The following TBC1D9B variants were observed in gnomAD, a reference collection of about 807,000 sequenced individuals.
TBC1D9B encodes TBC1 domain family member 9B.
Under a neutral mutation model 121.1 loss-of-function variants are expected in TBC1D9B, and 87 were observed. The ratio of observed to expected loss-of-function variants is 0.72; its 90% CI spans 0.60 to 0.86. The LOEUF (loss-of-function observed/expected upper bound fraction) is 0.86. TBC1D9B is among the 40% of genes least tolerant of loss of function. The pLI is 0.00. For synonymous variants in TBC1D9B, 668 were observed against 670.1 expected, an observed-to-expected ratio of 1.00 and a Z score of 0.05; for missense variants, 1,540 against 1,628.6, an observed-to-expected ratio of 0.95 and a Z score of 0.94.
At chr5:179,895,624 G>A (rs912024367) in intron 3 of TBC1D9B, among the ~76,000 whole-genome samples, 3 of 152,210 alleles carry the variant, frequency 2.0e-5, no homozygotes, top group Non-Finnish European at 4.4e-5. Flanking sequence ...GCCTCCTGGG[G>A]TAAAACAGGT....
intron 3 of TBC1D9B, among the ~76,000 whole-genome samples, chr5:179,894,846 T>C (rs1760977651): frequency 2.0e-5 from 3 of 152,186 alleles, no homozygotes; most frequent in Non-Finnish European, 4.4e-5. Context: ...ACTACTGTCA[T>C]CACCAGTTGT....
chr5:179,906,535 A>G (rs1305903763), intron 1 of TBC1D9B, among the ~76,000 whole-genome samples: 2 of 152,160 alleles, frequency 1.3e-5, no homozygotes, highest in African/African-American at 4.8e-5. Flanking sequence ...GGCGGAAGAA[A>G]AGGTGCCGGT....
Position 179,875,920 on chromosome 5 carries a change from C to A in TBC1D9B, c.1900G>T (p.Gly634Ter). 1 of 1,602,842 alleles carries A rather than the reference C, an allele frequency of 6.2e-7. No individual in the cohort carries two copies. Among genetic ancestry groups the A allele is most frequent in the Non-Finnish European group, 8.5e-7 (1 of 1,175,616 alleles). The change falls in exon 11 of 21, where the codon GGA becomes TGA. Residue 634 changes from glycine to a stop codon, truncating the protein, a stop_gained and splice_region_variant. Transcript: ENST00000355235. LOFTEE classifies it high-confidence loss of function. This position sits in a 1 kb window ranked among gnomAD's most constrained non-coding sequence, Gnocchi z 4.5. ...CGAGGCAGCACCCGGGGACACTCAC[C>A]CACCACCCTGGTGTTGTAGTAGTCG... is the stretch of plus-strand genomic sequence containing the variant. ...LPDYYNTRVV[G>*]ALVDQGIFEE...
At chr5:179,876,572 C>T (rs1303085284) in intron 10 of TBC1D9B, among the ~76,000 whole-genome samples, 3 of 152,156 alleles carry the variant, frequency 2.0e-5, no homozygotes, top group African/African-American at 7.2e-5. Flanking sequence ...ATGACTTGGC[C>T]AGGAAAATGC....
At position 179,904,939 on chromosome 5, in the gene TBC1D9B, C is replaced by T. The variant is rs939709174; in HGVS notation, c.119-127G>A. On this transcript the variant is annotated intron_variant, in intron 1 of 20. Coordinates refer to ENST00000355235, the MANE Select transcript of TBC1D9B (RefSeq NM_015043.4). This position sits in a 1 kb window ranked among gnomAD's most constrained non-coding sequence, Gnocchi z 4.2. ...AAAGGGTCCAGCCCAACGAGGGAAACGTCCGGAATGACCCCTGCGGTCAAA... is the reference window on the plus strand; with the variant it reads ...AAAGGGTCCAGCCCAACGAGGGAAATGTCCGGAATGACCCCTGCGGTCAAA... The T allele has an allele frequency of 1.5e-5, 10 of 668,790 alleles. No individual in the cohort carries two copies. The highest frequency in any genetic ancestry group is 6.2e-5 in the East Asian group (2 of 32,266). The allele number at this position is 668,790 out of a possible 1,614,324, so 41.4% of individuals were successfully genotyped here. A position where few individuals can be genotyped will look rare whatever the true frequency, so the allele number is the denominator to read the frequency against.
chr5:179,869,665 T>C, intron 17 of TBC1D9B, 104 bp downstream of exon 17: 1 of 1,270,688 alleles, frequency 7.9e-7, no homozygotes, highest in Non-Finnish European at 1.1e-6. Flanking sequence ...GCGACGCTGC[T>C]GTGCCCCCTC....
At chr5:179,870,669 C>T in intron 15 of TBC1D9B, 174 bp from the exon 16 acceptor site, 1 of 992,562 alleles carries the variant, frequency 1.0e-6, no homozygotes, top group Non-Finnish European at 1.4e-6. Flanking sequence ...TGTCATCAGC[C>T]CCTTGTTAAC....
At chr5:179,879,870 G>T in intron 7 of TBC1D9B, 81 bp from the exon 8 acceptor site, 3 of 1,460,144 alleles carry the variant, frequency 2.1e-6, no homozygotes, top group South Asian at 1.4e-5. Flanking sequence ...ATCCAGAGCT[G>T]GATCGGGGCC....
chr5:179,872,990 T>G lies in TBC1D9B; in HGVS notation c.2317A>C (p.Lys773Gln). The change falls in exon 14 of 21, where the codon AAA becomes CAA. Residue 773 changes from lysine (K) to glutamine (Q), a missense_variant and splice_region_variant. Coordinates refer to ENST00000355235, the MANE Select transcript of TBC1D9B (RefSeq NM_015043.4). ...IFELLKVSYEKFSSLRAEDIE... is the reference protein window; with the variant it reads ...IFELLKVSYEQFSSLRAEDIE... ...TCTTCGGCCCTCAGGCTGCTGAATTTCTATAGGGAGAGGTGACTTGGTGAG... is the reference window on the plus strand; with the variant it reads ...TCTTCGGCCCTCAGGCTGCTGAATTGCTATAGGGAGAGGTGACTTGGTGAG... 6.2e-7 allele frequency: 1 copy of G among 1,614,052 alleles called. No homozygotes were observed. Among genetic ancestry groups the G allele is most frequent in the Non-Finnish European group, 8.5e-7 (1 of 1,180,006 alleles).
chr5:179,876,091 A>G, intron 10 of TBC1D9B, 54 bp from the exon 11 acceptor site: 1 of 1,495,690 alleles, frequency 6.7e-7, no homozygotes, highest in Non-Finnish European at 9.2e-7. Flanking sequence ...CAGCAAATAA[A>G]ACTGTCTCTC....
chr5:179,865,395 A>G lies in TBC1D9B; in HGVS notation c.2915-35T>C. 6.3e-7 allele frequency: 1 copy of G among 1,597,152 alleles called. No homozygotes were observed. Among genetic ancestry groups the G allele is most frequent in the Non-Finnish European group, 8.6e-7 (1 of 1,164,828 alleles). ...AGGAGGAAAGAGATTAATCTTTGTC[A>G]TGTGAGACGGCTGCGGGCTGACAGC... On this transcript the variant is annotated intron_variant, in intron 19 of 20. Coordinates refer to ENST00000355235, the MANE Select transcript of TBC1D9B (RefSeq NM_015043.4). This position sits in a 1 kb window ranked among gnomAD's most constrained non-coding sequence, Gnocchi z 5.1.
chr5:179,899,356 C>G, intron 2 of TBC1D9B, 49 bp from the exon 3 acceptor site: 2 of 1,499,542 alleles, frequency 1.3e-6, no homozygotes, highest in Non-Finnish European at 1.8e-6. Context: ...TTCCCCAGGC[C>G]TTAAACGCAC....
In TBC1D9B at chr5:179,893,359, G is replaced by C. The variant is rs139809387; in HGVS notation, c.686C>G (p.Ser229Cys). 6.1e-3 allele frequency: 9,896 copies of C among 1,614,214 alleles called. 38 individuals carry two copies. Among genetic ancestry groups the C allele is most frequent in the Non-Finnish European group, 7.1e-3 (8,412 of 1,180,048 alleles). Residue 229 changes from serine to cysteine, a missense_variant, in exon 5 of 21, where the codon TCC becomes TGC. Physicochemically the swap from Ser to Cys is moderately radical, Grantham distance 112 (BLOSUM62 -1). Transcript: ENST00000355235. ...VDTRDQELFF[S>C]MFLNIGETFK... is the part of the protein sequence containing the mutation. ...GGTCTCGCCGATGTTGAGGAACATG[G>C]AGAAGAAGAGCTCCTGGTCGCGGGT...
Position 179,865,417 on chromosome 5 carries a change from C to G in TBC1D9B, c.2915-57G>C, listed in dbSNP as rs182069241. Reference sequence around the variant, plus strand: ...GTCATGTGAGACGGCTGCGGGCTGACAGCAGGGAGAGGAAGAGTTGGGTGT... The same window carrying G: ...GTCATGTGAGACGGCTGCGGGCTGAGAGCAGGGAGAGGAAGAGTTGGGTGT... On this transcript the variant is annotated intron_variant, in intron 19 of 20. Transcript: ENST00000355235. This position sits in a 1 kb window ranked among gnomAD's most constrained non-coding sequence, Gnocchi z 5.1. The G allele has an allele frequency of 6.6e-7, 1 of 1,523,654 alleles. No homozygotes were observed. The highest frequency in any genetic ancestry group is 1.4e-5 in the African/African-American group (1 of 73,120). 94.4% of individuals were successfully genotyped at this position (1,523,654 alleles called of 1,614,324 possible).
chr5:179,864,078 G>A lies in TBC1D9B; in HGVS notation c.3072C>T (p.Asp1024=), dbSNP rs1413279181. The A allele has an allele frequency of 4.3e-6, 7 of 1,613,456 alleles. No individual in the cohort carries two copies. The highest frequency in any genetic ancestry group is 4.5e-5 in the East Asian group (2 of 44,898). ...CGTGGTACAGGTCCTGCTCCATGGG[G>A]TCTTCACTGAACATGTTGTAAAGCG... is the stretch of plus-strand genomic sequence containing the variant. ...CKTLYNMFSE[D]PMEQDLYHAI... is the part of the protein sequence containing the mutation. Residue 1024 remains aspartate, a synonymous_variant, in exon 21 of 21, where the codon GAC becomes GAT. Transcript: ENST00000355235.
chr5:179,865,443 T>C lies in TBC1D9B; in HGVS notation c.2915-83A>G. On this transcript the variant is annotated intron_variant, in intron 19 of 20. Coordinates refer to ENST00000355235, the MANE Select transcript of TBC1D9B (RefSeq NM_015043.4). This position sits in a 1 kb window ranked among gnomAD's most constrained non-coding sequence, Gnocchi z 5.1. The stretch of plus-strand genomic sequence containing the variant: ...AGCAGGGAGAGGAAGAGTTGGGTGT[T>C]TTCTGGCATGGAGTTACCAGGGCCC... The C allele has an allele frequency of 7.4e-7, 1 of 1,354,754 alleles. No individual in the cohort carries two copies. Among genetic ancestry groups the C allele is most frequent in the South Asian group, 1.2e-5 (1 of 85,664 alleles). The allele number at this position is 1,354,754 out of a possible 1,614,324, so 83.9% of individuals were successfully genotyped here.
chr5:179,866,072 G>A (rs1482565230), intron 18 of TBC1D9B, 184 bp from the exon 19 acceptor site: 2 of 627,930 alleles, frequency 3.2e-6, no homozygotes, highest in East Asian at 2.8e-5. Flanking sequence ...TGGCACCAGA[G>A]CAAAAGGGCC....
At chr5:179,905,496 A>G (rs911911689) in intron 1 of TBC1D9B, among the ~76,000 whole-genome samples, 3 of 152,246 alleles carry the variant, frequency 2.0e-5, no homozygotes, top group Non-Finnish European at 4.4e-5. Flanking sequence ...GGGAAAATAT[A>G]AAGTTTTTTC....
chr5:179,862,977 G>A lies in TBC1D9B; in HGVS notation c.*471C>T. ...TTCAGGCTCCCGGAGAGCACCTGAG[G>A]GTTCCATCACTTTGGTGCCCAACAA... On this transcript the variant is annotated 3_prime_UTR_variant, in exon 21 of 21. Transcript: ENST00000355235. 3.9e-6 allele frequency: 1 copy of A among 255,424 alleles called. No individual in the cohort carries two copies. Among genetic ancestry groups the A allele is most frequent in the South Asian group, 4.5e-5 (1 of 22,324 alleles). 15.8% of individuals were successfully genotyped at this position (255,424 alleles called of 1,614,324 possible).
Sources: gnomAD v4.1 joint callset for allele counts (sites outside exome capture counted in the v4.1 genomes callset) on GRCh38, gnomAD v4.1.1 for gene constraint, Gnocchi (gnomAD v3.1) non-coding constraint, MANE v1.5 for transcripts, NCBI Gene and HGNC (gene_info 2026-07-23, HGNC 2026-07-21) for gene names.